NAV3: variants seen among roughly 807,000 people sequenced by gnomAD.
The protein encoded by NAV3 is pore membrane and/or filament interacting like protein 1.
NAV3 carries 87 observed loss-of-function variants against 244.7 expected under a neutral mutation model. The ratio of observed to expected loss-of-function variants is 0.36; its 90% confidence interval spans 0.30 to 0.42. NAV3 has a LOEUF of 0.42. NAV3 is among the 20% of genes least tolerant of loss of function. The pLI, the probability that NAV3 is intolerant of heterozygous loss-of-function variation, is 1.00. For missense variants in NAV3, 2,663 were observed against 2,893.3 expected, an observed-to-expected ratio of 0.92 and a Z score of 1.83; for synonymous variants, 1,126 against 1,042.2, an observed-to-expected ratio of 1.08 and a Z score of -1.55.
intron 2 of NAV3, among the ~76,000 whole-genome samples, chr12:77,675,559 G>A (rs925402030): frequency 2.5e-4 from 38 of 152,124 alleles, no homozygotes; most frequent in Admixed American, 2.4e-3. Context: ...TGAATAGCTG[G>A]AGACTGCACC....
intron 2 of NAV3, among the ~76,000 whole-genome samples, chr12:77,592,781 A>C (rs973396972): frequency 6.6e-6 from 1 of 152,170 alleles, no homozygotes; most frequent in Non-Finnish European, 1.5e-5. Flanking sequence ...GGTTGTCTGT[A>C]TATTGGGCAT....
At chr12:77,649,851 A>G (rs778450910) in intron 2 of NAV3, among the ~76,000 whole-genome samples, 5 of 152,052 alleles carry the variant, frequency 3.3e-5, no homozygotes, top group Non-Finnish European at 5.9e-5. Flanking sequence ...ATACTTTGCA[A>G]TAGTTTTATT....
chr12:77,642,441 G>T (rs1312971215), intron 2 of NAV3, among the ~76,000 whole-genome samples: 1 of 151,988 alleles, frequency 6.6e-6, no homozygotes, highest in African/African-American at 2.4e-5. Flanking sequence ...TGGGATAGAA[G>T]GTAAATTACG....
chr12:77,641,278 A>G (rs10859118), intron 2 of NAV3, among the ~76,000 whole-genome samples: 20,829 of 151,872 alleles, frequency 0.14, 2,482 homozygotes, highest in African/African-American at 0.32. Flanking sequence ...TGGTGGGGAG[A>G]AGGAGACATC....
chr12:78,023,643 T>C (rs1342594490), intron 9 of NAV3, among the ~76,000 whole-genome samples: 1 of 152,144 alleles, frequency 6.6e-6, no homozygotes, highest in East Asian at 1.9e-4. Flanking sequence ...TCTCGTTGCT[T>C]GAGATTTCCT....
chr12:77,797,853 A>T (rs1467690611), intron 2 of NAV3, among the ~76,000 whole-genome samples: 1 of 150,162 alleles, frequency 6.7e-6, no homozygotes, highest in African/African-American at 2.5e-5. Flanking sequence ...AAAAAAAAGT[A>T]CCTTAAAGAT....
chr12:78,188,386 T>G (rs1212741257), intron 32 of NAV3, 43 bp downstream of exon 32: 2 of 1,478,472 alleles, frequency 1.4e-6, no homozygotes, highest in Non-Finnish European at 1.9e-6. Flanking sequence ...TCAAATATGT[T>G]TCTCTTTAAT....
At chr12:78,102,832 CA>C (rs1203343451) in intron 12 of NAV3, among the ~76,000 whole-genome samples, 3 of 152,210 alleles carry the variant, frequency 2.0e-5, no homozygotes, top group African/African-American at 7.2e-5. Context: ...CCCCTTTTAG[CA>C]ATGGCTGGAG....
At chr12:77,604,933 A>G (rs1870604448) in intron 2 of NAV3, among the ~76,000 whole-genome samples, 1 of 152,144 alleles carries the variant, frequency 6.6e-6, no homozygotes, top group Non-Finnish European at 1.5e-5. Context: ...GAACACTGCA[A>G]AATGGTTTGC....
intron 2 of NAV3, among the ~76,000 whole-genome samples, chr12:77,697,494 G>T (rs541006214): frequency 2.6e-5 from 4 of 152,052 alleles, no homozygotes; most frequent in Non-Finnish European, 5.9e-5. Flanking sequence ...ATGTTAATGC[G>T]CTGTTTGTGT....
chr12:78,206,950 C>A (rs182231041), intron 39 of NAV3, among the ~76,000 whole-genome samples: 111 of 150,614 alleles, frequency 7.4e-4, no homozygotes, highest in African/African-American at 2.5e-3. Context: ...CCTCCGCCCC[C>A]CGAGTTCAAG....
intron 2 of NAV3, among the ~76,000 whole-genome samples, chr12:77,625,478 A>T (rs1484022141): frequency 8.3e-6 from 1 of 119,796 alleles, no homozygotes; most frequent in East Asian, 2.0e-4. Context: ...ATAAGACTAT[A>T]AAAAAACTAG....
intron 18 of NAV3, among the ~76,000 whole-genome samples, chr12:78,136,625 T>A (rs1289019378): frequency 6.6e-6 from 1 of 152,186 alleles, no homozygotes; most frequent in Non-Finnish European, 1.5e-5. Context: ...TGTTTAGTTA[T>A]AAAAATGTTT....
chr12:78,032,621 T>A (rs891889626), intron 9 of NAV3, among the ~76,000 whole-genome samples: 4 of 152,206 alleles, frequency 2.6e-5, no homozygotes, highest in African/African-American at 9.6e-5. Flanking sequence ...TCAGGTGAAA[T>A]GTATTATATA....
At chr12:77,692,995 T>A (rs1364787556) in intron 2 of NAV3, among the ~76,000 whole-genome samples, 1 of 151,940 alleles carries the variant, frequency 6.6e-6, no homozygotes, top group Admixed American at 6.6e-5. Flanking sequence ...ACCAAGCAAA[T>A]GTGGTGGATA....
At chr12:78,123,167 C>A (rs752482773) in intron 16 of NAV3, among the ~76,000 whole-genome samples, 9 of 152,022 alleles carry the variant, frequency 5.9e-5, no homozygotes, top group African/African-American at 1.2e-4. Flanking sequence ...TTATACTGTA[C>A]TGACTCTTAC....
intron 1 of NAV3, among the ~76,000 whole-genome samples, chr12:77,898,025 T>C (rs1884828063): frequency 6.6e-6 from 1 of 152,224 alleles, no homozygotes; most frequent in African/African-American, 2.4e-5. Flanking sequence ...TGCTGCTTTT[T>C]TATTTTCACT....
chr12:78,160,404 C>CAT (rs905471568), intron 23 of NAV3, among the ~76,000 whole-genome samples: 43 of 144,830 alleles, frequency 3.0e-4, no homozygotes, highest in African/African-American at 8.3e-4. Flanking sequence ...TGTGTGCGTG[C>CAT]GTGTGTGTGT....
intron 2 of NAV3, among the ~76,000 whole-genome samples, chr12:77,772,475 C>G (rs770685054): frequency 6.6e-6 from 1 of 152,028 alleles, no homozygotes. Flanking sequence ...AATTCATGCT[C>G]AGAATTAAAT....
Sources: allele counts gnomAD v4.1 joint callset (sites outside exome capture counted in the v4.1 genomes callset), GRCh38; gene constraint gnomAD v4.1.1; transcripts MANE v1.5; gene names NCBI Gene and HGNC (gene_info 2026-07-23, HGNC 2026-07-21).